EDA: variants seen among roughly 807,000 people sequenced by gnomAD.
EDA encodes the protein ectodysplasin-A.
Under a neutral mutation model 23.6 loss-of-function variants are expected in EDA, and 2 were observed. That is an observed-to-expected ratio of 0.08 (90% CI 0.03 to 0.27). The LOEUF is 0.27. Among genes scored for constraint, EDA ranks in the 10% least tolerant of loss-of-function variants. EDA has a pLI of 1.00. For synonymous variants in EDA, 131 were observed against 132.0 expected (o/e 0.99, Z 0.05); for missense variants, 229 against 324.2 (o/e 0.71, Z 2.26).
In EDA at chrX:69,709,993, G is replaced by T. The variant is rs764443984; in HGVS notation, c.396+93289G>T. Among the ~76,000 whole-genome samples the T allele has an allele frequency of 9.0e-5, 10 of 111,690 alleles. 1 individual carries two copies. In the South Asian group the frequency reaches 1.5e-3, roughly 17 times the overall value. Reference sequence around the variant, plus strand: ...TTTCTTTTGCTGTGCAGAAGCTCTTGAGTTTAATTAGATCCCATTTGTCAA... The same window carrying T: ...TTTCTTTTGCTGTGCAGAAGCTCTTTAGTTTAATTAGATCCCATTTGTCAA... On this transcript the variant is annotated intron_variant, in intron 1 of 7. Coordinates refer to ENST00000374552, the MANE Select transcript of EDA (RefSeq NM_001399.5).
chrX:69,712,313 A>G (rs1383686534), intron 1 of EDA, among the ~76,000 whole-genome samples: 1 of 111,544 alleles, frequency 9.0e-6, no homozygotes, highest in Non-Finnish European at 1.9e-5. Context: ...TTTGGTTTCC[A>G]CATGTTAATT....
intron 1 of EDA, among the ~76,000 whole-genome samples, chrX:69,786,918 G>T (rs79258153): frequency 0.27 from 27,339 of 101,391 alleles, 4,441 homozygotes; most frequent in Middle Eastern, 0.49. Context: ...ATTAATGTGT[G>T]GGAGTCTAAG....
At chrX:69,705,702 C>G (rs1026096105) in intron 1 of EDA, among the ~76,000 whole-genome samples, 7 of 112,170 alleles carry the variant, frequency 6.2e-5, no homozygotes, top group Non-Finnish European at 1.3e-4. Flanking sequence ...GGGAGTCCCT[C>G]TGGTTCATCC....
At chrX:69,720,757 C>G (rs1335131757) in intron 1 of EDA, among the ~76,000 whole-genome samples, 1 of 112,283 alleles carries the variant, frequency 8.9e-6, no homozygotes, top group African/African-American at 3.2e-5. Flanking sequence ...CCTTTTTCAT[C>G]TGTTTCAAGA....
chrX:69,974,060 GATATA>G (rs913520052), intron 2 of EDA, among the ~76,000 whole-genome samples: 3 of 107,424 alleles, frequency 2.8e-5, no homozygotes, highest in African/African-American at 6.7e-5. Flanking sequence ...ATACAAATGT[GATATA>G]ATTATATGAA....
intron 2 of EDA, among the ~76,000 whole-genome samples, chrX:69,988,363 A>G (rs1367385734): frequency 8.9e-6 from 1 of 111,975 alleles, no homozygotes; most frequent in Non-Finnish European, 1.9e-5. Context: ...ATAGTCAATA[A>G]TAATTTAACT....
At chrX:69,942,508 T>C (rs761738453) in intron 1 of EDA, among the ~76,000 whole-genome samples, 1 of 111,270 alleles carries the variant, frequency 9.0e-6, no homozygotes, top group Non-Finnish European at 1.9e-5. Flanking sequence ...ACTTTAAATA[T>C]GTCATGCCAC....
chrX:69,726,193 C>CA (rs2012796387), intron 1 of EDA, among the ~76,000 whole-genome samples: 1 of 111,614 alleles, frequency 9.0e-6, no homozygotes, highest in African/African-American at 3.3e-5. Flanking sequence ...TGGTACAAGG[C>CA]AAAAAAGTTG....
intron 1 of EDA, among the ~76,000 whole-genome samples, chrX:69,664,250 C>T (rs1021381104): frequency 1.8e-5 from 2 of 111,558 alleles, no homozygotes; most frequent in Non-Finnish European, 3.8e-5. Flanking sequence ...ATAATTCCCA[C>T]GTGTCATGGG....
intron 1 of EDA, among the ~76,000 whole-genome samples, chrX:69,819,804 C>A (rs1180662242): frequency 1.9e-5 from 2 of 106,099 alleles, no homozygotes; most frequent in Non-Finnish European, 3.9e-5. Context: ...CTTGCTGCCC[C>A]AAAGTAATTT....
intron 1 of EDA, chrX:69,670,183 G>GTTTTTTTTTTTTTTTT (rs544601085): frequency 1.3e-5 from 3 of 236,458 alleles, no homozygotes; most frequent in South Asian, 1.8e-4. Context: ...TTGGCTGACT[G>GTTTTTTTTTTTTTTTT]TTTTTTTTTT....
intron 1 of EDA, among the ~76,000 whole-genome samples, chrX:69,644,917 T>C (rs377614775): frequency 8.9e-6 from 1 of 112,116 alleles, no homozygotes; most frequent in African/African-American, 3.2e-5. Context: ...GAGTCACGTT[T>C]ATTGATTTGT....
intron 1 of EDA, among the ~76,000 whole-genome samples, chrX:69,837,943 A>G (rs986445418): frequency 8.9e-5 from 10 of 112,598 alleles, no homozygotes. Flanking sequence ...ACAGCTTGAC[A>G]ATGGTGATAC....
chrX:69,790,556 T>C (rs138867230), intron 1 of EDA, among the ~76,000 whole-genome samples: 421 of 111,980 alleles, frequency 3.8e-3, no homozygotes, highest in Middle Eastern at 9.3e-3. Flanking sequence ...GCATACCTTG[T>C]ATATTACTAA....
At chrX:69,731,790 C>T (rs895780106) in intron 1 of EDA, among the ~76,000 whole-genome samples, 7 of 111,712 alleles carry the variant, frequency 6.3e-5, no homozygotes, top group Admixed American at 2.9e-4. Context: ...AGCACTGCTA[C>T]AGCTGTTGAA....
intron 1 of EDA, among the ~76,000 whole-genome samples, chrX:69,689,949 A>G (rs1934662462): frequency 8.9e-6 from 1 of 111,758 alleles, no homozygotes; most frequent in Non-Finnish European, 1.9e-5. Context: ...TGTTTCTTAA[A>G]TTTTATTTTT....
chrX:69,718,226 C>T (rs1235326667), intron 1 of EDA, among the ~76,000 whole-genome samples: 9 of 112,085 alleles, frequency 8.0e-5, no homozygotes, highest in African/African-American at 1.6e-4. Flanking sequence ...GGATCTTCAA[C>T]GTAGACATAG....
intron 2 of EDA, among the ~76,000 whole-genome samples, chrX:69,966,901 A>G (rs2019182029): frequency 9.1e-6 from 1 of 109,334 alleles, no homozygotes; most frequent in Non-Finnish European, 1.9e-5. Flanking sequence ...ATAGAGAAAG[A>G]TTTTAACATA....
intron 1 of EDA, among the ~76,000 whole-genome samples, chrX:69,705,162 G>A (rs2011662241): frequency 9.5e-6 from 1 of 105,394 alleles, no homozygotes; most frequent in South Asian, 4.4e-4. Context: ...GGCGGAGGTT[G>A]CAGTGAGCTG....
Sources: allele counts gnomAD v4.1 joint callset (sites outside exome capture counted in the v4.1 genomes callset), GRCh38; gene constraint gnomAD v4.1.1; transcripts MANE v1.5; gene names NCBI Gene and HGNC (gene_info 2026-07-23, HGNC 2026-07-21).